MAL2: variants seen among roughly 807,000 people sequenced by gnomAD.
MAL2 encodes the protein protein MAL2.
Under a neutral mutation model 18.1 loss-of-function variants are expected in MAL2, and 17 were observed. The ratio of observed to expected loss-of-function variants is 0.94; its 90% CI spans 0.64 to 1.41. MAL2 has a LOEUF of 1.41. MAL2 is among the 40% of genes most tolerant of loss of function. The pLI, the probability that MAL2 is intolerant of heterozygous loss-of-function variation, is 0.00. For synonymous variants in MAL2, 102 were observed against 102.3 expected (o/e 1.00, Z 0.02); for missense variants, 222 against 231.9 (o/e 0.96, Z 0.28).
At position 119,243,571 on chromosome 8, in the gene MAL2, G is replaced by T. The variant is rs1349624336; in HGVS notation, c.*83G>T. 3.9e-6 allele frequency: 5 copies of T among 1,268,686 alleles called. No homozygotes were observed. The highest frequency in any genetic ancestry group is 5.4e-6 in the Non-Finnish European group (5 of 933,316). The allele number at this position is 1,268,686 out of a possible 1,614,324, so 78.6% of individuals were successfully genotyped here. ...ATCAATTTGGATACCATTTTGTCCA[G>T]ATGCAAAAACATTCCAAAAGTAATG... is the stretch of plus-strand genomic sequence containing the variant. On this transcript the variant is annotated 3_prime_UTR_variant, in exon 4 of 4. Transcript: ENST00000614891.
intron 2 of MAL2, among the ~76,000 whole-genome samples, chr8:119,226,801 CAG>C (rs1817605848): frequency 6.6e-6 from 1 of 152,184 alleles, no homozygotes. Context: ...CCTGCTAAGT[CAG>C]AAACTCTGGG....
intron 1 of MAL2, chr8:119,209,226 A>T (rs889549160): frequency 2.0e-5 from 3 of 152,582 alleles, no homozygotes; most frequent in African/African-American, 4.8e-5. Flanking sequence ...TGCCCTGGGC[A>T]GTTTCTAATC....
At chr8:119,227,210 C>T (rs1817614504) in intron 2 of MAL2, among the ~76,000 whole-genome samples, 2 of 152,190 alleles carry the variant, frequency 1.3e-5, no homozygotes, top group African/African-American at 4.8e-5. Context: ...AAAAGCCTAG[C>T]ATGCCAAAAC....
intron 2 of MAL2, among the ~76,000 whole-genome samples, chr8:119,231,652 ACCATTATTCAAAACG>A (rs1256079245): frequency 6.6e-6 from 1 of 152,194 alleles, no homozygotes; most frequent in Non-Finnish European, 1.5e-5. Context: ...TTTTCAATAC[ACCATTATTCAAAACG>A]CCAAGACATG....
chr8:119,210,408 C>T (rs1028156684), intron 1 of MAL2, among the ~76,000 whole-genome samples: 12 of 152,082 alleles, frequency 7.9e-5, no homozygotes, highest in Admixed American at 1.3e-4. Context: ...TTTCCCCCTC[C>T]CCCTCCCCAT....
At chr8:119,229,268 A>C (rs1055396478) in intron 2 of MAL2, among the ~76,000 whole-genome samples, 2 of 148,754 alleles carry the variant, frequency 1.3e-5, no homozygotes, top group African/African-American at 5.0e-5. Flanking sequence ...ACAGTAGTCT[A>C]TTTGCTATTG....
At chr8:119,221,840 G>C (rs1817469865) in intron 2 of MAL2, 83 bp downstream of exon 2, 6 of 1,431,232 alleles carry the variant, frequency 4.2e-6, no homozygotes, top group Non-Finnish European at 5.7e-6. Context: ...CAGAGTCCCA[G>C]TTCTGTTGCC....
chr8:119,232,642 G>C (rs754407976), intron 2 of MAL2, among the ~76,000 whole-genome samples: 2 of 152,040 alleles, frequency 1.3e-5, no homozygotes, highest in Non-Finnish European at 2.9e-5. Flanking sequence ...TTAGTCTTCT[G>C]TATCTTTCAG....
rs1818105562 is a variant in MAL2 at position 119,244,133 on chromosome 8, A to G, written c.*645A>G. The G allele has an allele frequency of 6.6e-6, 1 of 152,176 alleles. No homozygotes were observed. Among genetic ancestry groups the G allele is most frequent in the South Asian group, 2.1e-4 (1 of 4,834 alleles). The allele number at this position is 152,176 out of a possible 1,614,324, so 9.4% of individuals were successfully genotyped here. On this transcript the variant is annotated 3_prime_UTR_variant, in exon 4 of 4. Transcript: ENST00000614891. Reference sequence around the variant, plus strand: ...GCCTGTGGGCCATAGTTTGTCAACCACTGGTGTAAAACCTTAGTTATATAT... The same window carrying G: ...GCCTGTGGGCCATAGTTTGTCAACCGCTGGTGTAAAACCTTAGTTATATAT...
intron 1 of MAL2, among the ~76,000 whole-genome samples, chr8:119,215,966 A>T (rs1817345835): frequency 6.6e-6 from 1 of 152,200 alleles, no homozygotes; most frequent in East Asian, 1.9e-4. Flanking sequence ...TCAAAATGCG[A>T]ATTGTATGTA....
intron 2 of MAL2, chr8:119,223,285 G>A (rs184557673): frequency 1.3e-5 from 2 of 152,360 alleles, no homozygotes; most frequent in Non-Finnish European, 2.9e-5. Flanking sequence ...GTGGAGTACC[G>A]TGGTTACAGT....
At chr8:119,224,626 T>C (rs1353422988) in intron 2 of MAL2, among the ~76,000 whole-genome samples, 1 of 152,140 alleles carries the variant, frequency 6.6e-6, no homozygotes, top group East Asian at 1.9e-4. Context: ...ATCTGAGATG[T>C]TAGTGTAACA....
rs1422291231 is a variant in MAL2 at position 119,208,547 on chromosome 8, G to A, written c.75G>A (p.Leu25=). 7.2e-7 allele frequency: 1 copy of A among 1,397,528 alleles called. No homozygotes were observed. The allele number at this position is 1,397,528 out of a possible 1,614,324, so 86.6% of individuals were successfully genotyped here. A position where few individuals can be genotyped will look rare whatever the true frequency, so the allele number is the denominator to read the frequency against. ...AVSFPPPRVT[L]PAGPDILRTY... is the part of the protein sequence containing the mutation. ...CCTTCCCGCCGCCCCGGGTCACCCT[G>A]CCCGCCGGCCCCGACATCCTGCGGA... Residue 25 remains leucine (L), a synonymous_variant, in exon 1 of 4, where the codon CTG becomes CTA. Coordinates refer to ENST00000614891, the MANE Select transcript of MAL2 (RefSeq NM_052886.3). This position sits in a 1 kb window ranked among gnomAD's most constrained non-coding sequence, Gnocchi z 4.3.
intron 1 of MAL2, among the ~76,000 whole-genome samples, chr8:119,218,463 C>T (rs1187837671): frequency 6.6e-6 from 1 of 152,124 alleles, no homozygotes; most frequent in Non-Finnish European, 1.5e-5. Context: ...CCCTGCCTAC[C>T]TTTCCAGATT....
intron 1 of MAL2, among the ~76,000 whole-genome samples, chr8:119,217,182 T>C (rs948011739): frequency 5.9e-5 from 9 of 152,338 alleles, no homozygotes; most frequent in African/African-American, 2.2e-4. Context: ...TGTGGATAAA[T>C]ACTTCCGTGG....
At chr8:119,234,323 C>T (rs994620468) in intron 2 of MAL2, among the ~76,000 whole-genome samples, 13 of 152,274 alleles carry the variant, frequency 8.5e-5, no homozygotes, top group African/African-American at 2.4e-4. Context: ...CACGGAATCT[C>T]GCTGATTACT....
intron 2 of MAL2, 119 bp downstream of exon 2, chr8:119,221,876 C>T (rs1306511017): frequency 2.4e-5 from 26 of 1,066,290 alleles, no homozygotes; most frequent in Non-Finnish European, 3.5e-5. Context: ...GCGGTCCAAC[C>T]ACAGAGACTG....
chr8:119,219,881 G>T (rs1289457504), intron 1 of MAL2, among the ~76,000 whole-genome samples: 2 of 152,132 alleles, frequency 1.3e-5, no homozygotes, highest in Non-Finnish European at 2.9e-5. Context: ...CAGGAAAAAT[G>T]TTGTAAATGA....
chr8:119,224,559 A>G (rs375167380), intron 2 of MAL2, among the ~76,000 whole-genome samples: 9 of 152,040 alleles, frequency 5.9e-5, no homozygotes, highest in African/African-American at 2.2e-4. Context: ...TTTTATTTCA[A>G]TAGCTTTTAG....
Sources: gnomAD v4.1 joint callset for allele counts (sites outside exome capture counted in the v4.1 genomes callset) on GRCh38, gnomAD v4.1.1 for gene constraint, Gnocchi (gnomAD v3.1) non-coding constraint, MANE v1.5 for transcripts, NCBI Gene and HGNC (gene_info 2026-07-23, HGNC 2026-07-21) for gene names.